Variants in CSTPP1 observed in about 807,000 individuals in gnomAD.
CSTPP1 encodes the protein centriolar satellite-associated tubulin polyglutamylase complex regulator 1, also known as UPF0705 protein C11orf49.
At chr11:46,986,519 G>T in the CSTPP1 span, among the ~76,000 whole-genome samples, 3 of 151,572 alleles carry the variant, frequency 2.0e-5, no homozygotes, top group Admixed American at 2.0e-4. Context: ...GAGTGCAATG[G>T]CATGATCTTG....
the CSTPP1 span, among the ~76,000 whole-genome samples, chr11:46,976,216 G>C: frequency 2.0e-5 from 3 of 152,140 alleles, no homozygotes; most frequent in African/African-American, 7.2e-5. Context: ...TCGTTTTTCT[G>C]TGAGAAAGCA....
chr11:46,983,244 T>G, the CSTPP1 span, among the ~76,000 whole-genome samples: 1 of 152,260 alleles, frequency 6.6e-6, no homozygotes, highest in Non-Finnish European at 1.5e-5. Context: ...CAACATGGGG[T>G]GAGTCAACAG....
chr11:47,038,740 C>T, the CSTPP1 span, among the ~76,000 whole-genome samples: 2 of 123,556 alleles, frequency 1.6e-5, no homozygotes, highest in African/African-American at 2.5e-5. Context: ...TCCTCACTTC[C>T]CAGACGGGGT....
the CSTPP1 span, among the ~76,000 whole-genome samples, chr11:46,972,247 C>A: frequency 1.3e-5 from 2 of 152,108 alleles, no homozygotes; most frequent in African/African-American, 2.4e-5. Context: ...TACACTTAAT[C>A]AGGTTTCCAA....
At chr11:47,061,762 T>C in the CSTPP1 span, among the ~76,000 whole-genome samples, 1 of 152,198 alleles carries the variant, frequency 6.6e-6, no homozygotes, top group Non-Finnish European at 1.5e-5. Context: ...AGCTCCCGTT[T>C]TGTTTATTTC....
At chr11:46,988,040 T>C in the CSTPP1 span, among the ~76,000 whole-genome samples, 1 of 152,014 alleles carries the variant, frequency 6.6e-6, no homozygotes, top group African/African-American at 2.4e-5. Context: ...TACAATGGCT[T>C]GTATCCTAAA....
the CSTPP1 span, among the ~76,000 whole-genome samples, chr11:46,951,710 A>AT: frequency 2.0e-5 from 3 of 151,934 alleles, no homozygotes; most frequent in East Asian, 1.9e-4. Context: ...GATGGATGTT[A>AT]TTTTTTTTAT....
At chr11:47,059,359 T>C in the CSTPP1 span, among the ~76,000 whole-genome samples, 1 of 151,954 alleles carries the variant, frequency 6.6e-6, no homozygotes, top group Non-Finnish European at 1.5e-5. Flanking sequence ...CCCCACCCCC[T>C]CTCTGCCAAA....
chr11:47,116,978 G>A, the CSTPP1 span, among the ~76,000 whole-genome samples: 1 of 152,014 alleles, frequency 6.6e-6, no homozygotes, highest in African/African-American at 2.4e-5. Context: ...ACCGCACCTG[G>A]CCTGTTTGGT....
chr11:46,987,499 G>T, the CSTPP1 span: 1 of 570,608 alleles, frequency 1.8e-6, no homozygotes, highest in Non-Finnish European at 3.2e-6. Flanking sequence ...AGTTTGTCCA[G>T]TGATGTCTCA....
chr11:46,997,398 A>G, the CSTPP1 span, among the ~76,000 whole-genome samples: 1 of 152,108 alleles, frequency 6.6e-6, no homozygotes, highest in East Asian at 1.9e-4. Context: ...CATGGTTTTC[A>G]GCTCCATCAG....
At chr11:46,986,547 C>T in the CSTPP1 span, among the ~76,000 whole-genome samples, 1 of 151,940 alleles carries the variant, frequency 6.6e-6, no homozygotes, top group African/African-American at 2.4e-5. Flanking sequence ...GCAACCTCCA[C>T]CTCCCAGGTT....
chr11:47,001,616 C>T, the CSTPP1 span, among the ~76,000 whole-genome samples: 2 of 151,082 alleles, frequency 1.3e-5, no homozygotes, highest in African/African-American at 2.4e-5. Flanking sequence ...TAACTTAAAA[C>T]GTAACTCTAA....
At chr11:47,123,807 C>T in the CSTPP1 span, among the ~76,000 whole-genome samples, 1,758 of 152,188 alleles carry the variant, frequency 0.012, 15 homozygotes, top group Non-Finnish European at 0.018. Context: ...TCAAGACCAG[C>T]CTGGCCAATG....
chr11:47,161,550 G>C, the CSTPP1 span: 1 of 1,614,128 alleles, frequency 6.2e-7, no homozygotes, highest in Non-Finnish European at 8.5e-7. Context: ...CCCCGGGTTG[G>C]CTCTCCCTGG....
At chr11:46,956,806 CCTT>C in the CSTPP1 span, among the ~76,000 whole-genome samples, 4 of 151,574 alleles carry the variant, frequency 2.6e-5, no homozygotes, top group Non-Finnish European at 5.9e-5. Flanking sequence ...ACTCAATTTC[CCTT>C]CTTCCTAGTC....
the CSTPP1 span, among the ~76,000 whole-genome samples, chr11:47,134,153 T>A: frequency 6.6e-6 from 1 of 152,110 alleles, no homozygotes. Context: ...GTCTACTTCA[T>A]AAGGTAGTAT....
chr11:47,071,584 C>G, the CSTPP1 span, among the ~76,000 whole-genome samples: 1 of 152,162 alleles, frequency 6.6e-6, no homozygotes, highest in African/African-American at 2.4e-5. Context: ...CTGAACCTTG[C>G]TTATTGTAGG....
At chr11:47,028,941 C>T in the CSTPP1 span, among the ~76,000 whole-genome samples, 8 of 152,048 alleles carry the variant, frequency 5.3e-5, no homozygotes, top group South Asian at 1.5e-3. Context: ...GGGCTCAAGC[C>T]GTCTTCCCAT....
Sources: allele counts gnomAD v4.1 joint callset (sites outside exome capture counted in the v4.1 genomes callset), GRCh38; gene constraint gnomAD v4.1.1; transcripts MANE v1.5; gene names NCBI Gene and HGNC (gene_info 2026-07-23, HGNC 2026-07-21).